CDH11: variants seen among roughly 807,000 people sequenced by gnomAD.
CDH11 encodes cadherin 11.
CDH11 carries 11 observed loss-of-function variants against 67.8 expected under a neutral mutation model. The observed-to-expected ratio is 0.16, with a 90% CI of 0.10 to 0.27. CDH11 has a LOEUF of 0.27. Ranked by LOEUF, CDH11 falls within the 10% of genes least tolerant of loss-of-function variation. CDH11 has a pLI of 1.00. For missense variants in CDH11, 847 were observed against 1,031.2 expected, an observed-to-expected ratio of 0.82 and a Z score of 2.45; for synonymous variants, 419 against 400.0, an observed-to-expected ratio of 1.05 and a Z score of -0.57.
intron 7 of CDH11, among the ~76,000 whole-genome samples, chr16:64,983,917 G>A (rs898683046): frequency 1.3e-5 from 2 of 152,186 alleles, no homozygotes; most frequent in African/African-American, 2.4e-5. Context: ...ATAGTCTGTT[G>A]ATCTTGCTAG....
intron 1 of CDH11, among the ~76,000 whole-genome samples, chr16:65,110,523 A>T (rs1232754802): frequency 6.6e-6 from 1 of 152,040 alleles, no homozygotes; most frequent in African/African-American, 2.4e-5. Flanking sequence ...CCCGCTGGAC[A>T]TGGGTGGCTA....
intron 2 of CDH11, among the ~76,000 whole-genome samples, chr16:65,042,507 G>C (rs2073883743): frequency 6.6e-6 from 1 of 152,084 alleles, no homozygotes; most frequent in African/African-American, 2.4e-5. Flanking sequence ...CTGCTCAAGG[G>C]GCAGCAATTG....
intron 11 of CDH11, among the ~76,000 whole-genome samples, chr16:64,965,444 G>T (rs942567837): frequency 3.9e-5 from 6 of 151,978 alleles, no homozygotes; most frequent in African/African-American, 1.4e-4. Context: ...TGCCTACACA[G>T]GATCAGGATT....
Position 65,048,930 on chromosome 16 carries a change from T to C in CDH11, c.-173+4874A>G, listed in dbSNP as rs916976281. ...ACATAGATGAAGCTGGAGGCTATTA[T>C]CCTAAGTGAAAAAACTCACAAACAC... On this transcript the variant is annotated intron_variant, in intron 2 of 12. Transcript: ENST00000268603. 3.3e-5 allele frequency among the ~76,000 whole-genome samples: 5 copies of C among 152,124 alleles called. 1 individual carries two copies. The highest frequency in any genetic ancestry group is 2.6e-4 in the Admixed American group (4 of 15,264).
In CDH11 at chr16:64,998,711, G is replaced by A. The variant is rs779652408; in HGVS notation, c.374C>T (p.Thr125Met). Residue 125 changes from threonine (T) to methionine (M), a missense_variant, in exon 4 of 13, where the codon ACG becomes ATG. Transcript: ENST00000268603. ...TLDREERAQY[T>M]LMAQAVDRDT... ...CCTGTCCACCGCCTGAGCCATCAAC[G>A]TGTACTGGGCTCTCTCTTCTCGATC... 2.6e-5 allele frequency: 42 copies of A among 1,613,996 alleles called. No homozygotes were observed. The highest frequency in any genetic ancestry group is 3.4e-5 in the Non-Finnish European group (40 of 1,180,026).
chr16:65,117,839 C>T lies in CDH11; in HGVS notation c.-298+4041G>A, dbSNP rs11860520. Among the ~76,000 whole-genome samples the T allele has an allele frequency of 4.1e-3, 616 of 151,990 alleles. 6 individuals are homozygous for T. The highest frequency in any genetic ancestry group is 0.014 in the African/African-American group (586 of 41,324). ...CCAGAAAAAAATCCAGAAAATCCTC[C>T]CAGATCACTGTCTCAGTGAGAGCTG... On this transcript the variant is annotated intron_variant, in intron 1 of 12. Transcript: ENST00000268603.
chr16:64,949,281 G>C (rs1180649414), intron 12 of CDH11, among the ~76,000 whole-genome samples: 1 of 151,838 alleles, frequency 6.6e-6, no homozygotes, highest in Non-Finnish European at 1.5e-5. Context: ...TAGGGCTTTT[G>C]TATTTTACTT....
chr16:64,993,341 T>G (rs981555450), intron 4 of CDH11, among the ~76,000 whole-genome samples: 5 of 152,034 alleles, frequency 3.3e-5, no homozygotes, highest in African/African-American at 1.2e-4. Context: ...TGCAAAAATA[T>G]CTTACAACTC....
intron 2 of CDH11, among the ~76,000 whole-genome samples, chr16:65,015,547 T>A (rs1463573146): frequency 6.6e-6 from 1 of 152,178 alleles, no homozygotes; most frequent in Non-Finnish European, 1.5e-5. Flanking sequence ...TTGTAGCATC[T>A]ACCTTGCCCT....
At chr16:65,084,011 T>G (rs188208839) in intron 1 of CDH11, among the ~76,000 whole-genome samples, 20 of 152,264 alleles carry the variant, frequency 1.3e-4, no homozygotes, top group African/African-American at 4.6e-4. Context: ...TGGCATCTGA[T>G]GAGTAGATAC....
chr16:65,046,171 C>A (rs1259952805), intron 2 of CDH11, among the ~76,000 whole-genome samples: 2 of 152,304 alleles, frequency 1.3e-5, no homozygotes, highest in East Asian at 1.9e-4. Flanking sequence ...CCTATACCAG[C>A]CTTTGAGATG....
Position 65,004,915 on chromosome 16 carries a change from C to T in CDH11, c.-46G>A, listed in dbSNP as rs1286430709. ...CAGGAGAATGCAGCTGTCACCCCTT[C>T]CACCAACTGTACGGTGGTCTTGCTG... On this transcript the variant is annotated 5_prime_UTR_variant, in exon 3 of 13. Coordinates refer to ENST00000268603, the MANE Select transcript of CDH11 (RefSeq NM_001797.4). The T allele has an allele frequency of 2.4e-5, 35 of 1,469,518 alleles. No homozygotes were observed. The highest frequency in any genetic ancestry group is 3.0e-5 in the Non-Finnish European group (33 of 1,104,104). The allele number at this position is 1,469,518 out of a possible 1,614,324, so 91.0% of individuals were successfully genotyped here.
chr16:65,046,063 C>G (rs78631220), intron 2 of CDH11, among the ~76,000 whole-genome samples: 4,563 of 152,288 alleles, frequency 0.03, 107 homozygotes, highest in South Asian at 0.17. Context: ...GTCCCTCTCA[C>G]TTTGAGTACA....
chr16:65,088,136 G>A (rs1425377456), intron 1 of CDH11, among the ~76,000 whole-genome samples: 1 of 152,122 alleles, frequency 6.6e-6, no homozygotes, highest in East Asian at 1.9e-4. Flanking sequence ...CGAAGCTTCA[G>A]GGAGCCCCCT....
At chr16:64,958,025 T>C (rs897901337) in intron 11 of CDH11, among the ~76,000 whole-genome samples, 22 of 152,208 alleles carry the variant, frequency 1.4e-4, no homozygotes, top group Non-Finnish European at 2.8e-4. Flanking sequence ...CTGAATACCC[T>C]GTGAGCTCTC....
Position 64,944,090 on chromosome 16 carries a change from C to T in CDH11, c.*3513G>A, listed in dbSNP as rs545300856. On this transcript the variant is annotated 3_prime_UTR_variant, in exon 13 of 13. Transcript: ENST00000268603. ...GGAGTGGAATGACACTGGAGAGGTT[C>T]GCAGGGCCCTGTTCATGTAAAGCAA... 527 of 232,612 alleles carry T rather than the reference C, an allele frequency of 2.3e-3. 5 individuals carry two copies. The highest frequency in any genetic ancestry group is 0.011 in the African/African-American group (491 of 45,368). The allele number at this position is 232,612 out of a possible 1,614,324, so 14.4% of individuals were successfully genotyped here.
intron 2 of CDH11, among the ~76,000 whole-genome samples, chr16:65,017,110 T>G (rs1219475395): frequency 6.6e-6 from 1 of 152,154 alleles, no homozygotes; most frequent in Non-Finnish European, 1.5e-5. Flanking sequence ...CTTTACTGCC[T>G]CTCCCTTTAT....
At chr16:65,035,321 G>A (rs543314247) in intron 2 of CDH11, among the ~76,000 whole-genome samples, 2 of 152,290 alleles carry the variant, frequency 1.3e-5, no homozygotes, top group African/African-American at 2.4e-5. Flanking sequence ...ACAAATGAGC[G>A]AAGTGAGGTT....
intron 2 of CDH11, among the ~76,000 whole-genome samples, chr16:65,032,490 CAGAG>C (rs139946984): frequency 1.3e-5 from 2 of 149,350 alleles, no homozygotes; most frequent in Non-Finnish European, 3.0e-5. Flanking sequence ...GAAAAAGAGA[CAGAG>C]AGAGAGAGAG....
Sources: gnomAD v4.1 joint callset for allele counts (sites outside exome capture counted in the v4.1 genomes callset) on GRCh38, gnomAD v4.1.1 for gene constraint, MANE v1.5 for transcripts, NCBI Gene and HGNC (gene_info 2026-07-23, HGNC 2026-07-21) for gene names.